The following MAD1L1 variants were observed in gnomAD, a reference collection of about 807,000 sequenced individuals.
MAD1L1 encodes the protein mitotic arrest deficient 1 like 1, also known as mitotic spindle assembly checkpoint protein MAD1.
A neutral mutation model predicts 96.9 loss-of-function variants in MAD1L1; 95 were observed. That is an observed-to-expected ratio of 0.98 (90% CI 0.83 to 1.16). The LOEUF is 1.16. Among genes scored for constraint, MAD1L1 ranks in the 50% most tolerant of loss-of-function variants. The pLI is 0.00. For synonymous variants in MAD1L1, 473 were observed against 396.6 expected (o/e 1.19, Z -2.29); for missense variants, 1,007 against 954.4 (o/e 1.06, Z -0.73).
intron 13 of MAD1L1, among the ~76,000 whole-genome samples, chr7:2,006,952 G>A (rs960884436): frequency 1.3e-5 from 2 of 152,156 alleles, no homozygotes; most frequent in African/African-American, 4.8e-5. Context: ...GCGAGGGAGG[G>A]CAGGCAGCTC....
chr7:1,858,096 G>A (rs1349117585), intron 18 of MAD1L1, among the ~76,000 whole-genome samples: 1 of 152,198 alleles, frequency 6.6e-6, no homozygotes, highest in African/African-American at 2.4e-5. Context: ...TTTTTAATTG[G>A]TAGGTCTAAC....
chr7:1,914,027 C>A (rs4719353), intron 17 of MAD1L1, among the ~76,000 whole-genome samples: 6,120 of 152,128 alleles, frequency 0.04, 259 homozygotes, highest in African/African-American at 0.1. Flanking sequence ...GTCTCCCCCC[C>A]CAGCACGCCT....
At chr7:2,007,051 G>A (rs1674548932) in intron 13 of MAD1L1, among the ~76,000 whole-genome samples, 1 of 152,052 alleles carries the variant, frequency 6.6e-6, no homozygotes, top group Admixed American at 6.5e-5. Flanking sequence ...AGGCCTGCTG[G>A]GTGAGGAGAG....
chr7:1,852,345 G>T (rs1194460597), intron 18 of MAD1L1, among the ~76,000 whole-genome samples: 8 of 152,180 alleles, frequency 5.3e-5, no homozygotes, highest in Non-Finnish European at 1.5e-5. Flanking sequence ...GGGAGGACCT[G>T]GCTTGGGGCT....
chr7:1,901,499 C>T (rs752188273), intron 17 of MAD1L1, among the ~76,000 whole-genome samples: 8 of 152,306 alleles, frequency 5.3e-5, no homozygotes, highest in Non-Finnish European at 7.4e-5. Flanking sequence ...ATAGGCACTG[C>T]CCAGGCTGTT....
At chr7:2,019,610 AC>A (rs1357934540) in intron 12 of MAD1L1, among the ~76,000 whole-genome samples, 1 of 152,020 alleles carries the variant, frequency 6.6e-6, no homozygotes, top group Non-Finnish European at 1.5e-5. Context: ...AGGGCCACTT[AC>A]GGCCACAGGG....
chr7:1,817,737 G>A (rs1262241739), intron 18 of MAD1L1, among the ~76,000 whole-genome samples: 2 of 152,122 alleles, frequency 1.3e-5, no homozygotes, highest in African/African-American at 2.4e-5. Context: ...TCAGGAAACC[G>A]TTTTGGAAAG....
At chr7:2,073,864 G>A (rs184800628) in intron 11 of MAD1L1, among the ~76,000 whole-genome samples, 18 of 152,272 alleles carry the variant, frequency 1.2e-4, no homozygotes, top group Middle Eastern at 3.4e-3. Flanking sequence ...GCTGAGGGAC[G>A]GCGTGGGCAG....
At chr7:2,231,005 G>C (rs1482690300) in intron 1 of MAD1L1, among the ~76,000 whole-genome samples, 1 of 152,214 alleles carries the variant, frequency 6.6e-6, no homozygotes, top group African/African-American at 2.4e-5. Flanking sequence ...CCTACCAGGA[G>C]CACTCACAGC....
intron 12 of MAD1L1, among the ~76,000 whole-genome samples, chr7:2,037,454 A>C (rs544674203): frequency 6.3e-4 from 96 of 151,410 alleles, no homozygotes; most frequent in African/African-American, 2.2e-3. Context: ...CATGTTCCCA[A>C]CAGCATGTGC....
intron 16 of MAD1L1, among the ~76,000 whole-genome samples, chr7:1,943,345 T>C (rs1319744065): frequency 6.6e-6 from 1 of 152,158 alleles, no homozygotes; most frequent in Non-Finnish European, 1.5e-5. Flanking sequence ...GGAGAAAATG[T>C]CTGCAAATCT....
At chr7:1,821,345 G>C (rs1316461549) in intron 18 of MAD1L1, among the ~76,000 whole-genome samples, 1 of 152,024 alleles carries the variant, frequency 6.6e-6, no homozygotes, top group Non-Finnish European at 1.5e-5. Context: ...GTCCCAGATG[G>C]TTTCACTAGA....
chr7:2,013,892 G>A (rs1409044986), intron 13 of MAD1L1, among the ~76,000 whole-genome samples: 1 of 152,232 alleles, frequency 6.6e-6, no homozygotes, highest in Non-Finnish European at 1.5e-5. Context: ...CTCAGAGCTA[G>A]ACAAGGGCAC....
intron 15 of MAD1L1, among the ~76,000 whole-genome samples, chr7:1,967,645 A>C (rs1400703030): frequency 6.6e-6 from 1 of 152,158 alleles, no homozygotes; most frequent in Admixed American, 6.5e-5. Flanking sequence ...CCCTGGAGGA[A>C]CGGATGATTG....
intron 10 of MAD1L1, among the ~76,000 whole-genome samples, chr7:2,174,440 G>C (rs1403080739): frequency 6.6e-6 from 1 of 152,146 alleles, no homozygotes; most frequent in Admixed American, 6.5e-5. Context: ...CACTGGACTG[G>C]GTACTTGGTG....
intron 11 of MAD1L1, among the ~76,000 whole-genome samples, chr7:2,071,710 C>G (rs1785137214): frequency 6.6e-6 from 1 of 152,048 alleles, no homozygotes; most frequent in African/African-American, 2.4e-5. Flanking sequence ...GACAAGGCCT[C>G]CATCAAAACC....
At chr7:2,210,668 C>A (rs967928082) in intron 10 of MAD1L1, among the ~76,000 whole-genome samples, 5 of 152,242 alleles carry the variant, frequency 3.3e-5, no homozygotes, top group African/African-American at 4.8e-5. Context: ...ACTCAGACAC[C>A]CGCCCTGTGG....
chr7:2,181,058 A>G (rs1383889360), intron 10 of MAD1L1, among the ~76,000 whole-genome samples: 1 of 152,244 alleles, frequency 6.6e-6, no homozygotes, highest in Middle Eastern at 3.2e-3. Flanking sequence ...TGCTGCTCAA[A>G]TATGCCGGTG....
At chr7:1,897,796 G>A (rs1003625631) in intron 18 of MAD1L1, among the ~76,000 whole-genome samples, 26 of 152,196 alleles carry the variant, frequency 1.7e-4, no homozygotes, top group African/African-American at 5.8e-4. Flanking sequence ...GTCCCACTGC[G>A]CAGCCTGGCA....
Sources: gnomAD v4.1 joint callset for allele counts (sites outside exome capture counted in the v4.1 genomes callset) on GRCh38, gnomAD v4.1.1 for gene constraint, MANE v1.5 for transcripts, NCBI Gene and HGNC (gene_info 2026-07-23, HGNC 2026-07-21) for gene names.